The following VTI1A variants were observed in gnomAD, a reference collection of about 807,000 sequenced individuals.
VTI1A encodes vesicle transport through interaction with t-SNAREs 1A, also known as vesicle transport through interaction with t-SNAREs homolog 1A.
VTI1A carries 22 observed loss-of-function variants against 34.9 expected under a neutral mutation model. That is an observed-to-expected ratio of 0.63 (90% CI 0.45 to 0.90). The LOEUF is 0.90. Ranked by LOEUF, VTI1A falls within the 40% of genes least tolerant of loss-of-function variation. The pLI is 0.00. For synonymous variants in VTI1A, 87 were observed against 97.3 expected, an observed-to-expected ratio of 0.89 and a Z score of 0.62; for missense variants, 268 against 275.6, an observed-to-expected ratio of 0.97 and a Z score of 0.20.
At chr10:112,790,880 T>C (rs1205052285) in intron 7 of VTI1A, among the ~76,000 whole-genome samples, 1 of 151,892 alleles carries the variant, frequency 6.6e-6, no homozygotes, top group African/African-American at 2.4e-5. Flanking sequence ...CTGTAGAATG[T>C]GTTTGTAGAA....
chr10:112,650,272 A>G (rs2133799171), intron 5 of VTI1A, among the ~76,000 whole-genome samples: 1 of 152,234 alleles, frequency 6.6e-6, no homozygotes, highest in South Asian at 2.1e-4. Flanking sequence ...TAAGACACAA[A>G]CACATACATT....
intron 3 of VTI1A, among the ~76,000 whole-genome samples, chr10:112,504,947 G>T (rs554848721): frequency 4.2e-4 from 63 of 150,206 alleles, no homozygotes; most frequent in African/African-American, 1.4e-3. Context: ...TTGGTGGGGG[G>T]GTGTGTGGGG....
At chr10:112,601,381 T>C (rs773070925) in intron 5 of VTI1A, among the ~76,000 whole-genome samples, 1 of 152,054 alleles carries the variant, frequency 6.6e-6, no homozygotes, top group African/African-American at 2.4e-5. Context: ...ATTTTGCTAA[T>C]ATTAAGAAGG....
At chr10:112,752,499 C>T (rs1405928873) in intron 7 of VTI1A, 4 of 985,316 alleles carry the variant, frequency 4.1e-6, no homozygotes, top group Admixed American at 6.1e-5. Context: ...ACTTTTTGAC[C>T]TTTGTGCTAT....
At chr10:112,825,849 T>G in the VTI1A span, 1 of 152,204 alleles carries the variant, frequency 6.6e-6, no homozygotes, top group South Asian at 2.1e-4. Context: ...GTGTGCCGCT[T>G]TGATAATTCC....
At chr10:112,710,365 G>A (rs965744517) in intron 7 of VTI1A, among the ~76,000 whole-genome samples, 3 of 151,826 alleles carry the variant, frequency 2.0e-5, no homozygotes, top group Admixed American at 6.6e-5. Flanking sequence ...GCACCACCAC[G>A]CTGCCTAACT....
intron 7 of VTI1A, among the ~76,000 whole-genome samples, chr10:112,766,015 T>TTA (rs1358015144): frequency 6.6e-6 from 1 of 152,162 alleles, no homozygotes; most frequent in Non-Finnish European, 1.5e-5. Context: ...AGAAAAGAGC[T>TTA]TATGCAAGAG....
chr10:112,727,926 C>T (rs537556383), intron 7 of VTI1A, among the ~76,000 whole-genome samples: 1 of 152,152 alleles, frequency 6.6e-6, no homozygotes, highest in Admixed American at 6.5e-5. Flanking sequence ...AGTTACCAGG[C>T]GGCCTGAGGA....
intron 5 of VTI1A, among the ~76,000 whole-genome samples, chr10:112,664,586 A>G (rs532029058): frequency 2.0e-5 from 3 of 152,194 alleles, no homozygotes; most frequent in South Asian, 2.1e-4. Context: ...TTCTTTCTCA[A>G]TTTCTTTATG....
chr10:112,505,551 G>A (rs939032027), intron 3 of VTI1A, among the ~76,000 whole-genome samples: 1 of 152,026 alleles, frequency 6.6e-6, no homozygotes, highest in East Asian at 1.9e-4. Flanking sequence ...TCACTTTATT[G>A]TCTTTTTTTA....
At chr10:112,490,043 C>G (rs1848767317) in intron 3 of VTI1A, among the ~76,000 whole-genome samples, 1 of 152,086 alleles carries the variant, frequency 6.6e-6, no homozygotes, top group Non-Finnish European at 1.5e-5. Context: ...ATTAAACTTA[C>G]CTGATATATT....
At chr10:112,598,972 G>A (rs1430418627) in intron 5 of VTI1A, among the ~76,000 whole-genome samples, 1 of 152,160 alleles carries the variant, frequency 6.6e-6, no homozygotes. Context: ...AAACCAAGTT[G>A]CAGTAAGAGT....
intron 5 of VTI1A, among the ~76,000 whole-genome samples, chr10:112,587,693 A>G (rs1370430629): frequency 2.0e-5 from 3 of 152,196 alleles, no homozygotes. Context: ...TAATTAGCAA[A>G]TGTACAGATA....
the VTI1A span, chr10:112,824,237 T>C: frequency 6.6e-6 from 1 of 152,216 alleles, no homozygotes; most frequent in East Asian, 1.9e-4. Context: ...CTCTTGGTGC[T>C]AAAGTTCTCC....
rs1448069722 is a variant in VTI1A, at chr10:112,715,339, A to G, written c.560+46341A>G. Among the ~76,000 whole-genome samples, 3 of 152,236 alleles carry G rather than the reference A, an allele frequency of 2.0e-5. No individual in the cohort carries two copies. The East Asian group carries it at 5.8e-4, about 29-fold the overall frequency. ...GAGAGAGAATCCCAAGCATTAAACC[A>G]TATTGGCCTACCAATTATTATGATT... On this transcript the variant is annotated intron_variant, in intron 7 of 7. Coordinates refer to ENST00000393077, the MANE Select transcript of VTI1A (RefSeq NM_145206.4).
chr10:112,563,033 G>A (rs1041202386), intron 5 of VTI1A, among the ~76,000 whole-genome samples: 1 of 152,132 alleles, frequency 6.6e-6, no homozygotes, highest in African/African-American at 2.4e-5. Context: ...CCCGCGTAGA[G>A]TTGCAGGGAC....
In VTI1A at chr10:112,532,138, T is replaced by C. The variant is rs538360650; in HGVS notation, c.342+4974T>C. ...TCTTATTCTTTGGTACTCAAAATAC[T>C]TTTCATATAACAAATGAAATAACAG... On this transcript the variant is annotated intron_variant, in intron 4 of 7. Transcript: ENST00000393077. Among the ~76,000 whole-genome samples, 5 of 152,314 alleles carry C rather than the reference T, an allele frequency of 3.3e-5. No individual in the cohort carries two copies. The South Asian group carries it at 8.3e-4, about 25-fold the overall frequency.
Position 112,767,550 on chromosome 10 carries a change from G to T in VTI1A, c.561-47740G>T, listed in dbSNP as rs1851683366. Among the ~76,000 whole-genome samples, 1 of 152,102 alleles carries T rather than the reference G, an allele frequency of 6.6e-6. No homozygotes were observed. Among genetic ancestry groups the T allele is most frequent in the Admixed American group, 6.6e-5 (1 of 15,258 alleles). On this transcript the variant is annotated intron_variant, in intron 7 of 7. Transcript: ENST00000393077. This position sits in a 1 kb window ranked among gnomAD's most constrained non-coding sequence, Gnocchi z 4.0. Reference sequence around the variant, plus strand: ...TTTGTGCTAGTTCTGAAAACAGGAGGGCATAAACTAATAACAACAGCATGG... The same window carrying T: ...TTTGTGCTAGTTCTGAAAACAGGAGTGCATAAACTAATAACAACAGCATGG...
intron 5 of VTI1A, among the ~76,000 whole-genome samples, chr10:112,587,753 A>C (rs1268738545): frequency 1.3e-5 from 2 of 152,154 alleles, no homozygotes; most frequent in Non-Finnish European, 2.9e-5. Context: ...ATTACAAAAA[A>C]TTAGTAAGAT....
Sources: gnomAD v4.1 joint callset for allele counts (sites outside exome capture counted in the v4.1 genomes callset) on GRCh38, gnomAD v4.1.1 for gene constraint, Gnocchi (gnomAD v3.1) non-coding constraint, MANE v1.5 for transcripts, NCBI Gene and HGNC (gene_info 2026-07-23, HGNC 2026-07-21) for gene names.